RGS7: variants seen among roughly 807,000 people sequenced by gnomAD.
The protein encoded by RGS7 is regulator of G protein signaling 7.
RGS7 carries 27 observed loss-of-function variants against 81.1 expected under a neutral mutation model. That is an observed-to-expected ratio of 0.33 (90% CI 0.25 to 0.46). The LOEUF (loss-of-function observed/expected upper bound fraction) is 0.46. Among genes scored for constraint, RGS7 ranks in the 20% least tolerant of loss-of-function variants. The pLI is 1.00. For missense variants in RGS7, 396 were observed against 607.4 expected (o/e 0.65, Z 3.66); for synonymous variants, 208 against 207.7 (o/e 1.00, Z -0.01).
At chr1:241,029,610 C>T (rs1005514796) in intron 3 of RGS7, among the ~76,000 whole-genome samples, 1 of 152,178 alleles carries the variant, frequency 6.6e-6, no homozygotes, top group Non-Finnish European at 1.5e-5. Flanking sequence ...AAATGCCATG[C>T]TTATTCAATT....
At chr1:241,131,496 G>A (rs1290283652) in intron 2 of RGS7, among the ~76,000 whole-genome samples, 1 of 152,132 alleles carries the variant, frequency 6.6e-6, no homozygotes, top group Non-Finnish European at 1.5e-5. Flanking sequence ...GATGTTGCTG[G>A]TTGGGAACCA....
At chr1:241,212,643 G>A (rs1250924679) in intron 2 of RGS7, among the ~76,000 whole-genome samples, 1 of 152,122 alleles carries the variant, frequency 6.6e-6, no homozygotes, top group East Asian at 1.9e-4. Flanking sequence ...CAGGGACCTT[G>A]GATATCATTC....
chr1:241,023,708 C>A (rs1346830149), intron 3 of RGS7, among the ~76,000 whole-genome samples: 4 of 152,120 alleles, frequency 2.6e-5, no homozygotes, highest in East Asian at 1.9e-4. Context: ...TTGTCGAGTG[C>A]CATTTTTGTT....
intron 3 of RGS7, among the ~76,000 whole-genome samples, chr1:241,069,381 C>A (rs1469650372): frequency 2.6e-5 from 4 of 152,174 alleles, no homozygotes; most frequent in African/African-American, 9.7e-5. Context: ...CCTTGAGAAA[C>A]TGCCAGATAC....
chr1:240,793,611 A>ATATATATTTTTTTTTTTTTTTTTT, intron 18 of RGS7, among the ~76,000 whole-genome samples: 2 of 78,872 alleles, frequency 2.5e-5, no homozygotes, highest in Admixed American at 1.5e-4. Flanking sequence ...ATATATATAT[A>ATATATATTTTTTTTTTTTTTTTTT]TTTTTTTTTT....
chr1:241,002,003 G>A (rs1688216594), intron 3 of RGS7, among the ~76,000 whole-genome samples: 1 of 152,142 alleles, frequency 6.6e-6, no homozygotes, highest in Admixed American at 6.5e-5. Context: ...ATCAGTGGAG[G>A]TTCACTGAAC....
chr1:241,344,625 G>A (rs1482210432), intron 2 of RGS7, among the ~76,000 whole-genome samples: 3 of 152,228 alleles, frequency 2.0e-5, no homozygotes, highest in Admixed American at 6.5e-5. Context: ...CTTGAATTAC[G>A]AGGGTATTTT....
At chr1:241,003,761 A>G (rs2058542406) in intron 3 of RGS7, among the ~76,000 whole-genome samples, 1 of 151,840 alleles carries the variant, frequency 6.6e-6, no homozygotes, top group Non-Finnish European at 1.5e-5. Context: ...TTATTTATTT[A>G]TTTTTTGAGA....
intron 2 of RGS7, among the ~76,000 whole-genome samples, chr1:241,259,667 A>AATATATATATATAT (rs59037983): frequency 3.9e-4 from 19 of 49,108 alleles, no homozygotes; most frequent in African/African-American, 6.4e-4. Flanking sequence ...AAAAAAAAAA[A>AATATATATATATAT]ATATATATAT....
In RGS7 at chr1:240,800,698, T is replaced by C. The variant is rs900754266; in HGVS notation, c.1437A>G (p.Pro479=). ...QNVGRNIPIF[P]CHKNCTPTLR... is the part of the protein sequence containing the mutation. Reference sequence around the variant, plus strand: ...GTGTTGGTGTACAGTTTTTATGGCATGGGAAAATAGGGATGTTTCTGCCCT... The same window carrying C: ...GTGTTGGTGTACAGTTTTTATGGCACGGGAAAATAGGGATGTTTCTGCCCT... Residue 479 remains proline (P), a synonymous_variant, in exon 18 of 19, where the codon CCA becomes CCG. Transcript: ENST00000440928. 9 of 1,546,906 alleles carry C rather than the reference T, an allele frequency of 5.8e-6. No individual in the cohort carries two copies. The Admixed American group carries it at 5.9e-5, about 10-fold the overall frequency.
chr1:241,197,251 C>CT lies in RGS7; in HGVS notation c.79-98490dup, dbSNP rs1190138386. ...ACCATAAAAATACTAATCAAAGTAT[C>CT]TTTTTTTTTTTTTTTTTTTTTGAGA... On this transcript the variant is annotated intron_variant, in intron 2 of 18. Coordinates refer to ENST00000440928, the MANE Select transcript of RGS7 (RefSeq NM_001364886.1). 2.6e-3 allele frequency among the ~76,000 whole-genome samples: 105 copies of CT among 40,392 alleles called. 8 individuals carry two copies. The highest frequency in any genetic ancestry group is 3.1e-3 in the Non-Finnish European group (57 of 18,538). The allele number at this position is 40,392 out of a possible 152,430, so 26.5% of individuals were successfully genotyped here. A position where few individuals can be genotyped will look rare whatever the true frequency, so the allele number is the denominator to read the frequency against.
chr1:240,859,499 T>G (rs1485343731), intron 9 of RGS7, among the ~76,000 whole-genome samples: 5 of 145,490 alleles, frequency 3.4e-5, no homozygotes, highest in Admixed American at 1.4e-4. Context: ...TTTCTGGGCA[T>G]AGAGTTGTTT....
chr1:241,191,770 C>T (rs2072672010), intron 2 of RGS7, among the ~76,000 whole-genome samples: 2 of 152,118 alleles, frequency 1.3e-5, no homozygotes, highest in South Asian at 4.1e-4. Context: ...AATTTAAGTT[C>T]CTTAATAGTC....
In RGS7 at chr1:241,163,960, G is replaced by A. The variant is rs555615176; in HGVS notation, c.79-65198C>T. 1.8e-4 allele frequency among the ~76,000 whole-genome samples: 28 copies of A among 152,206 alleles called. No homozygotes were observed. The East Asian group carries it at 2.7e-3, about 15-fold the overall frequency. ...GGTTGAGGGCTCAGTCCCCAAGAAT[G>A]CCCCTTGCTTCTGACGCGAATTACA... On this transcript the variant is annotated intron_variant, in intron 2 of 18. Coordinates refer to ENST00000440928, the MANE Select transcript of RGS7 (RefSeq NM_001364886.1). The surrounding 1 kb of genome is among the most constrained non-coding windows in gnomAD (Gnocchi z 4.6).
rs560860263 is a variant in RGS7, at chr1:240,777,095, G to A, written c.*7-882C>T. ...AGATCACCTGAGGTCAGGAGTTCGA[G>A]ACCAGCCTGGCCAACATGGTGAAAC... On this transcript the variant is annotated intron_variant, in intron 18 of 18. Transcript: ENST00000440928. 7.9e-5 allele frequency among the ~76,000 whole-genome samples: 12 copies of A among 152,238 alleles called. No individual in the cohort carries two copies. In the South Asian group the frequency reaches 2.1e-3, roughly 26 times the overall value.
intron 2 of RGS7, among the ~76,000 whole-genome samples, chr1:241,354,163 C>G (rs1420018993): frequency 6.6e-6 from 1 of 152,064 alleles, no homozygotes; most frequent in Non-Finnish European, 1.5e-5. Flanking sequence ...ATTCTCACAG[C>G]TTGCATATTA....
At chr1:241,043,282 A>G (rs563614303) in intron 3 of RGS7, among the ~76,000 whole-genome samples, 25 of 151,964 alleles carry the variant, frequency 1.6e-4, no homozygotes, top group Non-Finnish European at 3.1e-4. Context: ...TACTTTTGTT[A>G]CACTATTTTG....
intron 2 of RGS7, among the ~76,000 whole-genome samples, chr1:241,105,547 A>C (rs1487349281): frequency 1.3e-5 from 2 of 152,236 alleles, no homozygotes; most frequent in African/African-American, 4.8e-5. Context: ...AGGGGCTGCC[A>C]GACAGGGCTC....
At chr1:240,866,325 C>T (rs951593628) in intron 9 of RGS7, among the ~76,000 whole-genome samples, 1 of 151,420 alleles carries the variant, frequency 6.6e-6, no homozygotes, top group African/African-American at 2.4e-5. Flanking sequence ...TCCTTGCTAA[C>T]ACGGTGAAAC....
Sources: allele counts gnomAD v4.1 joint callset (sites outside exome capture counted in the v4.1 genomes callset), GRCh38; gene constraint gnomAD v4.1.1; non-coding constraint Gnocchi (gnomAD v3.1); transcripts MANE v1.5; gene names NCBI Gene and HGNC (gene_info 2026-07-23, HGNC 2026-07-21).